The following GAREM1 variants were observed in gnomAD, a reference collection of about 807,000 sequenced individuals.
GAREM1 encodes GRB2 associated regulator of MAPK1 subtype 1, also known as GRB2-associated and regulator of MAPK protein 1.
A neutral mutation model predicts 71.3 loss-of-function variants in GAREM1; 26 were observed. The ratio of observed to expected loss-of-function variants is 0.36; its 90% CI spans 0.27 to 0.51. The LOEUF is 0.51. Among genes scored for constraint, GAREM1 ranks in the 20% least tolerant of loss-of-function variants. GAREM1 has a pLI of 0.95. For synonymous variants in GAREM1, 440 were observed against 433.2 expected (o/e 1.02, Z -0.20); for missense variants, 1,026 against 1,103.1 (o/e 0.93, Z 0.99).
At chr18:32,358,894 C>G (rs2047833317) in intron 2 of GAREM1, among the ~76,000 whole-genome samples, 1 of 152,176 alleles carries the variant, frequency 6.6e-6, no homozygotes, top group African/African-American at 2.4e-5. Context: ...TGGGTTCTCT[C>G]TTGTGCCTAA....
intron 1 of GAREM1, among the ~76,000 whole-genome samples, chr18:32,457,226 A>AGAGAGAGTGTGT (rs1555648709): frequency 6.1e-5 from 5 of 81,926 alleles, no homozygotes; most frequent in African/African-American, 2.1e-4. Context: ...AGAGAGAGAG[A>AGAGAGAGTGTGT]GTGTGTGTGT....
In GAREM1 at chr18:32,329,714, A is replaced by AG. The variant is rs892594901; in HGVS notation, c.263-19392_263-19391insC. Among the ~76,000 whole-genome samples, 29 of 151,638 alleles carry AG rather than the reference A, an allele frequency of 1.9e-4. No individual in the cohort carries two copies. In the East Asian group the frequency reaches 2.7e-3, roughly 14 times the overall value. On this transcript the variant is annotated intron_variant, in intron 2 of 5. Coordinates refer to ENST00000269209, the MANE Select transcript of GAREM1 (RefSeq NM_001242409.2). Reference sequence around the variant, plus strand: ...GAGCGAGACTCCATTAAAAAAAAAAAAAAAAAAAAAAGATTGAAAAGCTAA... The same window carrying AG: ...GAGCGAGACTCCATTAAAAAAAAAAAGAAAAAAAAAAAGATTGAAAAGCTAA...
intron 2 of GAREM1, among the ~76,000 whole-genome samples, chr18:32,349,170 T>C (rs142309082): frequency 1.2e-3 from 189 of 152,322 alleles, no homozygotes; most frequent in African/African-American, 3.9e-3. Context: ...ACAGGTTTTA[T>C]TTTAAACCTT....
rs1291408728 is a variant in GAREM1, at chr18:32,264,829, A to ATTC, written c.*3041_*3042insGAA. 1.3e-5 allele frequency: 2 copies of ATTC among 152,086 alleles called. No individual in the cohort carries two copies. Among genetic ancestry groups the ATTC allele is most frequent in the Non-Finnish European group, 2.9e-5 (2 of 68,028 alleles). The allele number at this position is 152,086 out of a possible 1,614,324, so 9.4% of individuals were successfully genotyped here. On this transcript the variant is annotated 3_prime_UTR_variant, in exon 6 of 6. Transcript: ENST00000269209. ...AGTTGCTTGGCTTGGTTTATTGCTG[A>ATTC]TTTTCTTTTCTGATGGGGGCCATGA...
chr18:32,428,270 C>A (rs1173572954), intron 1 of GAREM1, among the ~76,000 whole-genome samples: 1 of 152,166 alleles, frequency 6.6e-6, no homozygotes, highest in Non-Finnish European at 1.5e-5. Flanking sequence ...TTGTAAGAGA[C>A]AACTTTTGGG....
Position 32,268,253 on chromosome 18 carries a change from C to A in GAREM1, c.2249G>T (p.Gly750Val), listed in dbSNP as rs2041404167. 3 of 1,613,962 alleles carry A rather than the reference C, an allele frequency of 1.9e-6. No individual in the cohort carries two copies. In the East Asian group the frequency reaches 6.7e-5, roughly 36 times the overall value. The change falls in exon 6 of 6, where the codon GGT (glycine) becomes GTT (valine). Residue 750 changes from glycine (G) to valine (V), a missense_variant. Gly to Val is a moderately radical substitution (Grantham distance 109, BLOSUM62 -3). Coordinates refer to ENST00000269209, the MANE Select transcript of GAREM1 (RefSeq NM_001242409.2). ...CCCAGACTTGGGGTCTTCCTCAGCA[C>A]CATCAATTTTCAGAGGCAAAGGAGA... ...ETSPLPLKID[G>V]AEEDPKSGSP...
chr18:32,268,279 T>G lies in GAREM1; in HGVS notation c.2223A>C (p.Thr741=). 6.2e-7 allele frequency: 1 copy of G among 1,613,946 alleles called. No homozygotes were observed. Among genetic ancestry groups the G allele is most frequent in the Non-Finnish European group, 8.5e-7 (1 of 1,179,978 alleles). ...KLVEEKVASE[T]SPLPLKIDGA... is the part of the protein sequence containing the mutation. ...CATCAATTTTCAGAGGCAAAGGAGA[T>G]GTTTCGGAGGCGACCTTCTCTTCCA... The change falls in exon 6 of 6, where the codon ACA becomes ACC. Residue 741 remains threonine, a synonymous_variant. Coordinates refer to ENST00000269209, the MANE Select transcript of GAREM1 (RefSeq NM_001242409.2).
At chr18:32,328,842 G>A (rs2047498050) in intron 2 of GAREM1, among the ~76,000 whole-genome samples, 1 of 152,130 alleles carries the variant, frequency 6.6e-6, no homozygotes, top group African/African-American at 2.4e-5. Flanking sequence ...TTCAATTAAG[G>A]ATACTATGGG....
intron 2 of GAREM1, among the ~76,000 whole-genome samples, chr18:32,382,628 C>A (rs2048108279): frequency 2.0e-5 from 3 of 151,996 alleles, no homozygotes; most frequent in Admixed American, 2.0e-4. Flanking sequence ...TCCTGGCTAG[C>A]TGGTAAAATA....
intron 3 of GAREM1, among the ~76,000 whole-genome samples, chr18:32,293,645 TTGATTAAGGAGG>T (rs1237134987): frequency 1.1e-4 from 16 of 152,176 alleles, no homozygotes; most frequent in African/African-American, 3.4e-4. Context: ...TTATAGGAGT[TTGATTAAGGAGG>T]TGATTAAGGA....
chr18:32,441,504 A>G (rs903590695), intron 1 of GAREM1, among the ~76,000 whole-genome samples: 6 of 152,328 alleles, frequency 3.9e-5, no homozygotes, highest in Admixed American at 3.3e-4. Flanking sequence ...AAAGCAGCAG[A>G]TAAGTAAAGC....
chr18:32,419,076 C>T (rs1174766436), intron 1 of GAREM1, among the ~76,000 whole-genome samples: 1 of 152,080 alleles, frequency 6.6e-6, no homozygotes, highest in Non-Finnish European at 1.5e-5. Context: ...GACTGAAGTC[C>T]CTGTCCTTTT....
chr18:32,430,549 C>T (rs2048613781), intron 1 of GAREM1, among the ~76,000 whole-genome samples: 1 of 152,218 alleles, frequency 6.6e-6, no homozygotes, highest in South Asian at 2.1e-4. Flanking sequence ...AGATACAGTA[C>T]ACCTCACCCT....
At position 32,341,633 on chromosome 18, in the gene GAREM1, A is replaced by G. The variant is rs376938537; in HGVS notation, c.263-31310T>C. On this transcript the variant is annotated intron_variant, in intron 2 of 5. Transcript: ENST00000269209. ...AATGTTGATATTTTTCTTTAAAGCA[A>G]TGGGAAATCACTGGAGTTTCTTTCT... is the stretch of plus-strand genomic sequence containing the variant. Among the ~76,000 whole-genome samples, 11 of 152,312 alleles carry G rather than the reference A, an allele frequency of 7.2e-5. No individual in the cohort carries two copies. The East Asian group carries it at 1.2e-3, about 16-fold the overall frequency.
chr18:32,417,605 A>C (rs1016996387), intron 1 of GAREM1, among the ~76,000 whole-genome samples: 20 of 152,286 alleles, frequency 1.3e-4, no homozygotes, highest in African/African-American at 4.8e-4. Context: ...ATGTTAAGTG[A>C]AATAAGCCAG....
At chr18:32,433,341 A>C (rs2048642525) in intron 1 of GAREM1, among the ~76,000 whole-genome samples, 1 of 151,982 alleles carries the variant, frequency 6.6e-6, no homozygotes, top group Admixed American at 6.6e-5. Context: ...CTTTCTGGTG[A>C]AAGAACAAAT....
At chr18:32,307,701 T>G (rs573394693) in intron 3 of GAREM1, among the ~76,000 whole-genome samples, 2 of 152,060 alleles carry the variant, frequency 1.3e-5, no homozygotes, top group Admixed American at 6.5e-5. Flanking sequence ...TTTTGTATTT[T>G]TAGTAGAGAT....
chr18:32,415,911 T>C (rs1175371931), intron 1 of GAREM1, among the ~76,000 whole-genome samples: 2 of 151,980 alleles, frequency 1.3e-5, no homozygotes, highest in Admixed American at 6.6e-5. Flanking sequence ...AGCATCCAAA[T>C]TGGAAAGGAA....
chr18:32,420,195 A>C (rs2048506548), intron 1 of GAREM1, among the ~76,000 whole-genome samples: 1 of 152,230 alleles, frequency 6.6e-6, no homozygotes, highest in Non-Finnish European at 1.5e-5. Flanking sequence ...AGCTTTAAAT[A>C]GTTTCAAAAT....
Sources: gnomAD v4.1 joint callset for allele counts (sites outside exome capture counted in the v4.1 genomes callset) on GRCh38, gnomAD v4.1.1 for gene constraint, MANE v1.5 for transcripts, NCBI Gene and HGNC (gene_info 2026-07-23, HGNC 2026-07-21) for gene names.